Variants in CCDC30 observed in about 807,000 individuals in gnomAD.
The protein encoded by CCDC30 is coiled-coil domain containing 30, also known as coiled-coil domain-containing protein 30.
In CCDC30, 70 loss-of-function variants were observed where a neutral mutation model predicts 100.2. The ratio of observed to expected loss-of-function variants is 0.70; its 90% CI spans 0.58 to 0.85. CCDC30 has a LOEUF of 0.85. Ranked by LOEUF, CCDC30 falls within the 40% of genes least tolerant of loss-of-function variation. CCDC30 has a pLI of 0.00. For synonymous variants in CCDC30, 233 were observed against 269.5 expected, an observed-to-expected ratio of 0.86 and a Z score of 1.33; for missense variants, 652 against 771.2, an observed-to-expected ratio of 0.85 and a Z score of 1.83.
At chr1:42,556,342 T>C (rs774108468) in intron 6 of CCDC30, 3 of 1,614,108 alleles carry the variant, frequency 1.9e-6, no homozygotes, top group Admixed American at 1.7e-5. Flanking sequence ...AGCTGAGCCA[T>C]ATAAATCAGA....
At chr1:42,498,859 T>G (rs1002298005) in exon 6 of CCDC30, 145 of 1,234,066 alleles carry the variant, frequency 1.2e-4, no homozygotes, top group Non-Finnish European at 1.4e-4. Context: ...CTCAAGAGAA[T>G]AAGCAACTTG....
chr1:42,530,362 C>T (rs911611966), intron 6 of CCDC30, among the ~76,000 whole-genome samples: 3 of 151,996 alleles, frequency 2.0e-5, no homozygotes, highest in Non-Finnish European at 4.4e-5. Flanking sequence ...CTTACTATGC[C>T]TAATTTACAA....
rs144931351 is a variant in CCDC30, at chr1:42,536,220, T to C, written c.457-30076T>C. Among the ~76,000 whole-genome samples, 902 of 152,278 alleles carry C rather than the reference T, an allele frequency of 5.9e-3. 8 individuals are homozygous for C. Among genetic ancestry groups the C allele is most frequent in the African/African-American group, 0.02 (832 of 41,564 alleles). ...ATATTTGATAAGTGATTAAATTTTATAAAATACTTTCAAAATCACATTTTA... is the reference window on the plus strand; with the variant it reads ...ATATTTGATAAGTGATTAAATTTTACAAAATACTTTCAAAATCACATTTTA... On this transcript the variant is annotated intron_variant, in intron 6 of 16. Coordinates refer to ENST00000668663, the Ensembl canonical transcript of CCDC30.
intron 6 of CCDC30, among the ~76,000 whole-genome samples, chr1:42,554,310 C>G (rs1035217874): frequency 6.8e-6 from 1 of 146,568 alleles, no homozygotes; most frequent in Non-Finnish European, 1.5e-5. Flanking sequence ...CAGAGTTTCC[C>G]TCTGTCATCC....
At chr1:42,609,693 AGTG>A (rs1196977563) in intron 10 of CCDC30, among the ~76,000 whole-genome samples, 1 of 152,184 alleles carries the variant, frequency 6.6e-6, no homozygotes, top group Non-Finnish European at 1.5e-5. Context: ...GACAATGAGA[AGTG>A]GTGGTGGTAT....
intron 3 of CCDC30, chr1:42,489,957 G>A: frequency 3.5e-6 from 1 of 286,230 alleles, no homozygotes; most frequent in Non-Finnish European, 6.5e-6. Context: ...CAGATAATCA[G>A]GGATAGGGCT....
chr1:42,631,897 G>T (rs1647045036), intron 11 of CCDC30, among the ~76,000 whole-genome samples: 1 of 152,088 alleles, frequency 6.6e-6, no homozygotes, highest in Non-Finnish European at 1.5e-5. Flanking sequence ...CTGGCCCAGG[G>T]CATGTCCAAA....
At chr1:42,589,223 C>CA (rs57920969) in intron 9 of CCDC30, 98 bp from the exon 14 acceptor site, 13,994 of 805,936 alleles carry the variant, frequency 0.017, 3 homozygotes, top group East Asian at 0.034. Context: ...TTCATTGAAC[C>CA]AAAAAAAAAA....
intron 6 of CCDC30, among the ~76,000 whole-genome samples, chr1:42,514,585 T>C (rs1397140165): frequency 1.3e-5 from 2 of 152,094 alleles, no homozygotes; most frequent in Non-Finnish European, 1.5e-5. Flanking sequence ...TTTAATGGAG[T>C]TATTTATTCT....
At chr1:42,550,593 A>G (rs1645231468) in intron 6 of CCDC30, among the ~76,000 whole-genome samples, 1 of 152,180 alleles carries the variant, frequency 6.6e-6, no homozygotes, top group African/African-American at 2.4e-5. Flanking sequence ...CCAGCTTTTC[A>G]TGTGGCTAAC....
At chr1:42,549,568 T>G (rs1645208355) in intron 6 of CCDC30, among the ~76,000 whole-genome samples, 1 of 152,046 alleles carries the variant, frequency 6.6e-6, no homozygotes, top group African/African-American at 2.4e-5. Flanking sequence ...GGGCACAGTC[T>G]CTCTATATGT....
the CCDC30 span, chr1:42,457,589 A>C: frequency 3.8e-6 from 2 of 532,486 alleles, no homozygotes; most frequent in South Asian, 4.6e-5. Context: ...GTGCAGTCAG[A>C]TCATGGGGCG....
At chr1:42,539,044 A>G in intron 6 of CCDC30, 129 bp from the exon 8 acceptor site, 1 of 596,964 alleles carries the variant, frequency 1.7e-6, no homozygotes, top group East Asian at 3.3e-5. Flanking sequence ...TGCCAGAAGG[A>G]TAGGTTGGAA....
At chr1:42,562,135 C>T (rs1298105323) in intron 6 of CCDC30, among the ~76,000 whole-genome samples, 2 of 151,964 alleles carry the variant, frequency 1.3e-5, no homozygotes, top group Non-Finnish European at 2.9e-5. Flanking sequence ...CAAAGAAGAC[C>T]CCATATAGCC....
intron 11 of CCDC30, among the ~76,000 whole-genome samples, chr1:42,620,294 A>G (rs1315771975): frequency 6.6e-6 from 1 of 152,208 alleles, no homozygotes; most frequent in South Asian, 2.1e-4. Context: ...ACTGTGCTCA[A>G]TACCTGGGTG....
At chr1:42,575,448 G>A (rs1570116992) in intron 7 of CCDC30, among the ~76,000 whole-genome samples, 1 of 151,882 alleles carries the variant, frequency 6.6e-6, no homozygotes, top group Non-Finnish European at 1.5e-5. Flanking sequence ...AGGAGATCGA[G>A]ACCATTCTGG....
chr1:42,530,598 C>T (rs1644791158), intron 6 of CCDC30, among the ~76,000 whole-genome samples: 1 of 152,058 alleles, frequency 6.6e-6, no homozygotes, highest in Non-Finnish European at 1.5e-5. Flanking sequence ...ATTGCTTGAG[C>T]CCAGGAGTTT....
intron 11 of CCDC30, among the ~76,000 whole-genome samples, chr1:42,620,889 T>A (rs1409628046): frequency 6.6e-6 from 1 of 152,132 alleles, no homozygotes; most frequent in Admixed American, 6.6e-5. Flanking sequence ...TTCTATACCC[T>A]CTCTGGGTGC....
At chr1:42,594,682 A>G (rs1195825116) in intron 10 of CCDC30, 1 of 152,216 alleles carries the variant, frequency 6.6e-6, no homozygotes, top group East Asian at 1.9e-4. Flanking sequence ...TCTGGGCAAC[A>G]TAGCCAGACC....
Sources: gnomAD v4.1 joint callset for allele counts (sites outside exome capture counted in the v4.1 genomes callset) on GRCh38, gnomAD v4.1.1 for gene constraint, MANE v1.5 for transcripts, NCBI Gene and HGNC (gene_info 2026-07-23, HGNC 2026-07-21) for gene names.